GLRA2: variants seen among roughly 807,000 people sequenced by gnomAD.
The protein encoded by GLRA2 is glycine receptor subunit alpha-2.
Under a neutral mutation model 31.6 loss-of-function variants are expected in GLRA2, and 11 were observed. The ratio of observed to expected loss-of-function variants is 0.35; its 90% CI spans 0.22 to 0.58. GLRA2 has a LOEUF of 0.58. Among genes scored for constraint, GLRA2 ranks in the 20% least tolerant of loss-of-function variants. The pLI, the probability that GLRA2 is intolerant of heterozygous loss-of-function variation, is 0.84. For synonymous variants in GLRA2, 132 were observed against 134.0 expected (o/e 0.99, Z 0.10); for missense variants, 212 against 351.8 (o/e 0.60, Z 3.18).
At chrX:14,681,910 A>AAATATATATATATAT (rs758563376) in intron 7 of GLRA2, among the ~76,000 whole-genome samples, 39 of 41,270 alleles carry the variant, frequency 9.4e-4, no homozygotes, top group African/African-American at 4.7e-3. Context: ...AAAAAAAAAA[A>AAATATATATATATAT]ATATATATAT....
chrX:14,683,575 G>C (rs765871955), intron 7 of GLRA2, among the ~76,000 whole-genome samples: 1 of 111,316 alleles, frequency 9.0e-6, no homozygotes, highest in African/African-American at 3.3e-5. Context: ...GTCAATTTTG[G>C]CTTTTGTTGC....
chrX:14,491,492 T>C, the GLRA2 span, among the ~76,000 whole-genome samples: 1 of 112,408 alleles, frequency 8.9e-6, no homozygotes, highest in Non-Finnish European at 1.9e-5. Context: ...CCCAATCTTT[T>C]AATTTAGCTT....
intron 7 of GLRA2, among the ~76,000 whole-genome samples, chrX:14,662,072 T>A (rs989925955): frequency 9.1e-6 from 1 of 109,808 alleles, no homozygotes; most frequent in Non-Finnish European, 1.9e-5. Context: ...AGCTCCTATT[T>A]AAGAAAGGGA....
intron 7 of GLRA2, among the ~76,000 whole-genome samples, chrX:14,684,446 T>C (rs1453542926): frequency 8.9e-6 from 1 of 111,937 alleles, no homozygotes; most frequent in African/African-American, 3.2e-5. Flanking sequence ...TTCCTATCCA[T>C]GAGCATGGAA....
intron 2 of GLRA2, among the ~76,000 whole-genome samples, chrX:14,545,343 G>T (rs2089464083): frequency 9.0e-6 from 1 of 111,047 alleles, no homozygotes; most frequent in Non-Finnish European, 1.9e-5. Context: ...AAGGGGAAGG[G>T]GACTGAATTC....
chrX:14,716,069 C>T lies in GLRA2; in HGVS notation c.1081-14138C>T, dbSNP rs769186577. On this transcript the variant is annotated intron_variant, in intron 8 of 8. Coordinates refer to ENST00000218075, the MANE Select transcript of GLRA2 (RefSeq NM_002063.4). ...TGTGACTGTATAGTATGCATACTCA[C>T]GAAGCTGACCCTGTCAGAAGGTCTC... 4.7e-4 allele frequency among the ~76,000 whole-genome samples: 52 copies of T among 111,308 alleles called. 1 individual carries two copies. The highest frequency in any genetic ancestry group is 1.1e-3 in the Admixed American group (11 of 10,434).
At chrX:14,470,430 A>G in the GLRA2 span, among the ~76,000 whole-genome samples, 27,368 of 110,986 alleles carry the variant, frequency 0.25, 2,792 homozygotes, top group African/African-American at 0.39. Flanking sequence ...TGATGATTAT[A>G]TATCTTTAAT....
intron 3 of GLRA2, among the ~76,000 whole-genome samples, chrX:14,575,944 A>G (rs964636618): frequency 9.0e-6 from 1 of 111,085 alleles, no homozygotes; most frequent in African/African-American, 3.3e-5. Flanking sequence ...TCTAATTTGC[A>G]TTACTATGTA....
intron 3 of GLRA2, among the ~76,000 whole-genome samples, chrX:14,578,062 A>G (rs2089976404): frequency 3.6e-5 from 4 of 111,662 alleles, no homozygotes; most frequent in Non-Finnish European, 7.5e-5. Flanking sequence ...TTCTGGAATA[A>G]ATTATGTCAA....
the GLRA2 span, among the ~76,000 whole-genome samples, chrX:14,507,686 A>ATTTTTTTTTTTTTTTTTTTTTTTT: frequency 1.1e-4 from 6 of 56,046 alleles, no homozygotes; most frequent in Non-Finnish European, 2.0e-4. Context: ...TACGAAAGAC[A>ATTTTTTTTTTTTTTTTTTTTTTTT]TTCTTTTTTT....
intron 7 of GLRA2, among the ~76,000 whole-genome samples, chrX:14,619,074 T>C (rs139277342): frequency 0.024 from 2,677 of 111,180 alleles, 86 homozygotes; most frequent in African/African-American, 0.082. Context: ...TAACAGTCTC[T>C]AGATCAGTGT....
intron 8 of GLRA2, among the ~76,000 whole-genome samples, chrX:14,722,084 G>A (rs745998752): frequency 1.8e-4 from 20 of 111,854 alleles, no homozygotes; most frequent in Non-Finnish European, 3.2e-4. Context: ...AATTATCTGT[G>A]TAGCTATCTA....
At chrX:14,727,610 A>G (rs2091943442) in intron 8 of GLRA2, among the ~76,000 whole-genome samples, 1 of 112,370 alleles carries the variant, frequency 8.9e-6, no homozygotes, top group African/African-American at 3.2e-5. Context: ...TGACACTGTA[A>G]TAATTAATAT....
At chrX:14,647,073 A>C (rs1202723826) in intron 7 of GLRA2, among the ~76,000 whole-genome samples, 5 of 111,760 alleles carry the variant, frequency 4.5e-5, no homozygotes, top group Admixed American at 1.9e-4. Context: ...GGCAGTGCAC[A>C]GAGGGATCCA....
the GLRA2 span, among the ~76,000 whole-genome samples, chrX:14,518,969 G>C: frequency 1.1e-5 from 1 of 92,272 alleles, no homozygotes; most frequent in Non-Finnish European, 2.1e-5. Flanking sequence ...TCGAGATTGC[G>C]CCACTGCACT....
intron 7 of GLRA2, among the ~76,000 whole-genome samples, chrX:14,675,430 C>T (rs1285066175): frequency 1.8e-5 from 2 of 111,718 alleles, no homozygotes; most frequent in Non-Finnish European, 3.8e-5. Context: ...GCCTGTGTAC[C>T]GTCCAATGCC....
At chrX:14,660,035 C>A (rs2090976424) in intron 7 of GLRA2, among the ~76,000 whole-genome samples, 1 of 111,408 alleles carries the variant, frequency 9.0e-6, no homozygotes, top group Admixed American at 9.6e-5. Context: ...CCTCCGTAAT[C>A]TTCTTATAGG....
At chrX:14,570,297 C>T (rs1183044200) in intron 2 of GLRA2, among the ~76,000 whole-genome samples, 5 of 111,891 alleles carry the variant, frequency 4.5e-5, no homozygotes, top group African/African-American at 1.3e-4. Context: ...TAAAACACCA[C>T]GATTTAAAAA....
intron 7 of GLRA2, among the ~76,000 whole-genome samples, chrX:14,683,929 T>C (rs375034672): frequency 6.3e-5 from 7 of 110,523 alleles, no homozygotes; most frequent in African/African-American, 2.3e-4. Context: ...AGTAGGGCCA[T>C]GGAGAATTCT....
Sources: allele counts gnomAD v4.1 joint callset (sites outside exome capture counted in the v4.1 genomes callset), GRCh38; gene constraint gnomAD v4.1.1; transcripts MANE v1.5; gene names NCBI Gene and HGNC (gene_info 2026-07-23, HGNC 2026-07-21).